KIAA0930: variants seen among roughly 807,000 people sequenced by gnomAD.
KIAA0930 encodes uncharacterized protein KIAA0930.
KIAA0930 carries 24 observed loss-of-function variants against 43.9 expected under a neutral mutation model. That is an observed-to-expected ratio of 0.55 (90% CI 0.40 to 0.77). The LOEUF (loss-of-function observed/expected upper bound fraction) is 0.77. Ranked by LOEUF, KIAA0930 falls within the 30% of genes least tolerant of loss-of-function variation. The pLI, the probability that KIAA0930 is intolerant of heterozygous loss-of-function variation, is 0.00. For missense variants in KIAA0930, 461 were observed against 574.2 expected (o/e 0.80, Z 2.02); for synonymous variants, 259 against 216.4 (o/e 1.20, Z -1.73).
chr22:45,206,670 G>A (rs1219307966), intron 2 of KIAA0930, among the ~76,000 whole-genome samples: 2 of 150,710 alleles, frequency 1.3e-5, no homozygotes, highest in African/African-American at 4.9e-5. Flanking sequence ...ACCAAAGCAT[G>A]TCTACACCTC....
chr22:45,211,300 G>T (rs533991450), intron 2 of KIAA0930: 1 of 398,226 alleles, frequency 2.5e-6, no homozygotes, highest in Non-Finnish European at 4.4e-6. Context: ...AACATTTTAC[G>T]AACAGCAAAA....
rs114173543 is a variant in KIAA0930, at chr22:45,198,418, T to C, written c.1016-470A>G. ...TAGGGCAGTGATCAGTACTTCTTAC[T>C]GATTCGGGAACGGGCCCAGGTGGGG... On this transcript the variant is annotated intron_variant, in intron 8 of 9. Coordinates refer to ENST00000336156, the MANE Select transcript of KIAA0930 (RefSeq NM_001009880.2). Among the ~76,000 whole-genome samples, 568 of 152,316 alleles carry C rather than the reference T, an allele frequency of 3.7e-3. 5 individuals carry two copies. The highest frequency in any genetic ancestry group is 0.013 in the African/African-American group (546 of 41,576).
At chr22:45,209,331 C>A (rs918127128) in intron 2 of KIAA0930, among the ~76,000 whole-genome samples, 1 of 152,180 alleles carries the variant, frequency 6.6e-6, no homozygotes, top group African/African-American at 2.4e-5. Flanking sequence ...GGGGGGGTCT[C>A]CCCGTCTCCC....
chr22:45,238,881 T>TCGCTCTCGCTCTCTCGCTCTCGCTCG (rs1569087811), intron 1 of KIAA0930, among the ~76,000 whole-genome samples: 3 of 151,180 alleles, frequency 2.0e-5, no homozygotes, highest in Admixed American at 6.6e-5. Context: ...GCAGGCTCTC[T>TCGCTCTCGCTCTCTCGCTCTCGCTCG]CTCTCTCTCT....
rs2083498354 is a variant in KIAA0930 at position 45,192,542 on chromosome 22, A to G, written c.*4634T>C. 1 of 152,258 alleles carries G rather than the reference A, an allele frequency of 6.6e-6. No homozygotes were observed. The allele number at this position is 152,258 out of a possible 1,614,324, so 9.4% of individuals were successfully genotyped here. On this transcript the variant is annotated 3_prime_UTR_variant, in exon 10 of 10. Transcript: ENST00000336156. ...TTCTTACAGATTTAATTACTCTCAC[A>G]CAAATAATTCATTTGGAAACCATAA...
At chr22:45,199,368 C>G (rs2036308729) in intron 8 of KIAA0930, among the ~76,000 whole-genome samples, 1 of 152,134 alleles carries the variant, frequency 6.6e-6, no homozygotes, top group African/African-American at 2.4e-5. Context: ...CAGGAAGGCC[C>G]CGGGGGTAGG....
At chr22:45,234,434 T>C (rs2083873857) in intron 1 of KIAA0930, among the ~76,000 whole-genome samples, 2 of 152,252 alleles carry the variant, frequency 1.3e-5, no homozygotes, top group South Asian at 4.1e-4. Context: ...GGATCCTTTC[T>C]CAGCTCCCTG....
intron 1 of KIAA0930, among the ~76,000 whole-genome samples, chr22:45,232,750 G>A (rs1042174755): frequency 2.6e-5 from 4 of 152,180 alleles, no homozygotes; most frequent in East Asian, 3.9e-4. Flanking sequence ...CCAGGAGAAT[G>A]CCCATCCTGC....
At chr22:45,234,137 A>G (rs2083871596) in intron 1 of KIAA0930, among the ~76,000 whole-genome samples, 1 of 152,188 alleles carries the variant, frequency 6.6e-6, no homozygotes, top group South Asian at 2.1e-4. Context: ...CCTGAGGGGC[A>G]AACGTCTCTG....
chr22:45,221,470 G>A (rs923353519), intron 1 of KIAA0930, among the ~76,000 whole-genome samples: 2 of 152,316 alleles, frequency 1.3e-5, no homozygotes, highest in Admixed American at 1.3e-4. Context: ...TACCAAAGCT[G>A]ATGTATGTTT....
At position 45,230,644 on chromosome 22, in the gene KIAA0930, C is replaced by T. The variant is rs545457986; in HGVS notation, c.64+9996G>A. 6.0e-5 allele frequency among the ~76,000 whole-genome samples: 9 copies of T among 149,188 alleles called. No homozygotes were observed. In the East Asian group the frequency reaches 1.8e-3, roughly 30 times the overall value. Reference sequence around the variant, plus strand: ...TCACCCAAGCTAGAGTACAGTGGCGCAATCTTGGTTCACTGCAACCTCCGC... The same window carrying T: ...TCACCCAAGCTAGAGTACAGTGGCGTAATCTTGGTTCACTGCAACCTCCGC... On this transcript the variant is annotated intron_variant, in intron 1 of 9. Coordinates refer to ENST00000336156, the MANE Select transcript of KIAA0930 (RefSeq NM_001009880.2).
chr22:45,202,701 G>A (rs1171153123), intron 7 of KIAA0930: 7 of 319,952 alleles, frequency 2.2e-5, no homozygotes, highest in African/African-American at 4.3e-5. Flanking sequence ...ATCTCAGGGA[G>A]GCAGAAAGAG....
chr22:45,197,145 G>C lies in KIAA0930; in HGVS notation c.*31C>G. The C allele has an allele frequency of 6.5e-7, 1 of 1,531,326 alleles. No individual in the cohort carries two copies. The highest frequency in any genetic ancestry group is 2.5e-5 in the East Asian group (1 of 39,968). 94.9% of individuals were successfully genotyped at this position (1,531,326 alleles called of 1,614,324 possible). Reference sequence around the variant, plus strand: ...TGGCAGCACTCCGAGGGCTGGGCCCGGCCGGGGCTCTGCGCAGGCTCCGCA... The same window carrying C: ...TGGCAGCACTCCGAGGGCTGGGCCCCGCCGGGGCTCTGCGCAGGCTCCGCA... On this transcript the variant is annotated 3_prime_UTR_variant, in exon 10 of 10. Transcript: ENST00000336156.
rs775102681 is a variant in KIAA0930, at chr22:45,199,944, C to T, written c.944G>A (p.Arg315Gln). 8.7e-6 allele frequency: 14 copies of T among 1,609,766 alleles called. No individual in the cohort carries two copies. Among genetic ancestry groups the T allele is most frequent in the South Asian group, 1.1e-5 (1 of 90,614 alleles). Residue 315 changes from arginine to glutamine, a missense_variant, in exon 8 of 10, where the codon CGG (arginine) becomes CAG (glutamine). Transcript: ENST00000336156. ...PSLKRKVPRN[R>Q]IAEMKKSHSA... ...GTGCGACTTCTTCATCTCAGCGATC[C>T]GGTTCCGGGGCACCTTCCTCTTGAG... is the stretch of plus-strand genomic sequence containing the variant.
intron 1 of KIAA0930, among the ~76,000 whole-genome samples, chr22:45,216,524 C>A (rs563775124): frequency 7.9e-5 from 12 of 152,276 alleles, no homozygotes. Context: ...TTTGGCCTCA[C>A]GGTGCAGCAA....
intron 7 of KIAA0930, chr22:45,201,094 G>T: frequency 2.2e-6 from 1 of 459,546 alleles, no homozygotes; most frequent in South Asian, 1.7e-5. Flanking sequence ...TCCTCGTCAC[G>T]GCTCCGACAT....
intron 9 of KIAA0930, 47 bp downstream of exon 9, chr22:45,197,743 C>T: frequency 6.2e-7 from 1 of 1,603,592 alleles, no homozygotes. Flanking sequence ...GGAGGCAGAG[C>T]TGGCTGTGAG....
intron 1 of KIAA0930, among the ~76,000 whole-genome samples, chr22:45,225,305 A>C (rs530879939): frequency 5.2e-4 from 79 of 152,202 alleles, no homozygotes; most frequent in African/African-American, 1.9e-3. Context: ...GGCTGCTCTG[A>C]CGAGGCACTT....
intron 1 of KIAA0930, chr22:45,213,480 C>G: frequency 8.3e-7 from 1 of 1,210,164 alleles, no homozygotes; most frequent in Non-Finnish European, 1.1e-6. Flanking sequence ...CCCAGGCTCA[C>G]AGGACCCGGG....
Sources: gnomAD v4.1 joint callset for allele counts (sites outside exome capture counted in the v4.1 genomes callset) on GRCh38, gnomAD v4.1.1 for gene constraint, MANE v1.5 for transcripts, NCBI Gene and HGNC (gene_info 2026-07-23, HGNC 2026-07-21) for gene names.